Variants in RIMS1 observed in about 807,000 individuals in gnomAD.
RIMS1 encodes the protein regulating synaptic membrane exocytosis protein 1.
A neutral mutation model predicts 214.1 loss-of-function variants in RIMS1; 83 were observed. The ratio of observed to expected loss-of-function variants is 0.39; its 90% CI spans 0.32 to 0.47. The LOEUF (loss-of-function observed/expected upper bound fraction) is 0.47, where lower values mean the gene tolerates loss of function less well. RIMS1 is among the 20% of genes least tolerant of loss of function. RIMS1 has a pLI of 0.99. For missense variants in RIMS1, 2,050 were observed against 2,161.8 expected (o/e 0.95, Z 1.03); for synonymous variants, 793 against 786.8 (o/e 1.01, Z -0.13).
chr6:72,097,037 G>C lies in RIMS1; in HGVS notation c.334G>C (p.Asp112His), dbSNP rs530159088. 6.2e-7 allele frequency: 1 copy of C among 1,613,932 alleles called. No individual in the cohort carries two copies. Among genetic ancestry groups the C allele is most frequent in the East Asian group, 2.2e-5 (1 of 44,876 alleles). Reference protein sequence around the residue: ...ARRYQGEHKDDAPTCGICHKT... With the variant: ...ARRYQGEHKDHAPTCGICHKT... ...GCGTTACCAGGGCGAGCACAAAGAC[G>C]ATGCTCCGACTTGTGGAATCTGTCA... is the stretch of plus-strand genomic sequence containing the variant. Residue 112 changes from aspartate (D) to histidine (H), a missense_variant, in exon 3 of 34, where the codon GAT becomes CAT. Coordinates refer to ENST00000521978, the MANE Select transcript of RIMS1 (RefSeq NM_014989.7).
Position 72,161,771 on chromosome 6 carries a change from G to A in RIMS1, c.472-17804G>A, listed in dbSNP as rs1257923225. On this transcript the variant is annotated intron_variant, in intron 4 of 33. Coordinates refer to ENST00000521978, the MANE Select transcript of RIMS1 (RefSeq NM_014989.7). ...TGAGAGACAGTTTGTTGTGATTTCT[G>A]TCCTTTCACATTTGCTGAGGAGAGC... Among the ~76,000 whole-genome samples, 5 of 140,676 alleles carry A rather than the reference G, an allele frequency of 3.6e-5. 1 individual carries two copies. Among genetic ancestry groups the A allele is most frequent in the Admixed American group, 7.3e-5 (1 of 13,704 alleles). The allele number at this position is 140,676 out of a possible 152,430, so 92.3% of individuals were successfully genotyped here.
intron 1 of RIMS1, among the ~76,000 whole-genome samples, chr6:71,898,439 T>C (rs886876686): frequency 3.3e-5 from 5 of 152,178 alleles, no homozygotes; most frequent in Admixed American, 6.5e-5. Context: ...CCCAACTCTG[T>C]AACCCATACA....
chr6:72,339,729 G>C lies in RIMS1; in HGVS notation c.4366+5894G>C, dbSNP rs575718211. Among the ~76,000 whole-genome samples, 180 of 152,070 alleles carry C rather than the reference G, an allele frequency of 1.2e-3. 1 individual carries two copies. Among genetic ancestry groups the C allele is most frequent in the African/African-American group, 4.0e-3 (164 of 41,478 alleles). On this transcript the variant is annotated intron_variant, in intron 29 of 33. Coordinates refer to ENST00000521978, the MANE Select transcript of RIMS1 (RefSeq NM_014989.7). ...TTCCAAGTCTTTGCTATTGTGAATA[G>C]TGCCGCAATAAACGTACGTGTGCAT...
chr6:72,339,356 A>G (rs184575446), intron 29 of RIMS1, among the ~76,000 whole-genome samples: 4 of 151,954 alleles, frequency 2.6e-5, no homozygotes, highest in Non-Finnish European at 5.9e-5. Flanking sequence ...ATATGTATAC[A>G]TGTGCCATGT....
intron 4 of RIMS1, among the ~76,000 whole-genome samples, chr6:72,119,353 G>A (rs1368877256): frequency 6.6e-6 from 1 of 151,862 alleles, no homozygotes; most frequent in African/African-American, 2.4e-5. Context: ...GCTCATGGAT[G>A]AGTAGAATCA....
intron 2 of RIMS1, among the ~76,000 whole-genome samples, chr6:72,075,780 G>T (rs1831688884): frequency 6.6e-6 from 1 of 152,144 alleles, no homozygotes; most frequent in East Asian, 1.9e-4. Flanking sequence ...AACACTGAGG[G>T]TTAAAGGAGG....
chr6:72,012,279 A>G (rs916093323), intron 2 of RIMS1, among the ~76,000 whole-genome samples: 2 of 152,086 alleles, frequency 1.3e-5, no homozygotes, highest in Non-Finnish European at 2.9e-5. Context: ...GAATTGAACA[A>G]TGAGAACACG....
intron 9 of RIMS1, among the ~76,000 whole-genome samples, chr6:72,241,452 C>CT (rs1186472660): frequency 6.6e-6 from 1 of 152,012 alleles, no homozygotes; most frequent in Admixed American, 6.6e-5. Context: ...AAAATAAATA[C>CT]TTTTTTTCAC....
intron 2 of RIMS1, among the ~76,000 whole-genome samples, chr6:71,977,611 G>C (rs1022415299): frequency 6.6e-6 from 1 of 152,114 alleles, no homozygotes; most frequent in African/African-American, 2.4e-5. Flanking sequence ...TATTTAGAAA[G>C]ACTGCTCAAG....
chr6:72,120,768 G>T (rs1226132660), intron 4 of RIMS1, among the ~76,000 whole-genome samples: 1 of 151,814 alleles, frequency 6.6e-6, no homozygotes, highest in African/African-American at 2.4e-5. Context: ...TTTTCTTCTA[G>T]GGTTTTTATG....
intron 1 of RIMS1, among the ~76,000 whole-genome samples, chr6:71,939,875 A>G (rs1168737338): frequency 6.6e-6 from 1 of 152,248 alleles, no homozygotes; most frequent in African/African-American, 2.4e-5. Flanking sequence ...TGAGATAAAT[A>G]ACTCAATTTG....
At chr6:71,891,297 A>T (rs1582909735) in intron 1 of RIMS1, among the ~76,000 whole-genome samples, 1 of 152,192 alleles carries the variant, frequency 6.6e-6, no homozygotes, top group African/African-American at 2.4e-5. Flanking sequence ...ATGAAGTTTC[A>T]TTTTTTTCCT....
chr6:72,392,933 C>A, intron 31 of RIMS1, 123 bp downstream of exon 31: 1 of 681,556 alleles, frequency 1.5e-6, no homozygotes, highest in Non-Finnish European at 2.5e-6. Flanking sequence ...TACAGAGTTA[C>A]TGTTTGCAAA....
chr6:71,950,053 C>T (rs1788981273), intron 1 of RIMS1, among the ~76,000 whole-genome samples: 1 of 152,134 alleles, frequency 6.6e-6, no homozygotes, highest in African/African-American at 2.4e-5. Context: ...ACTACTGATA[C>T]ATGCAAATGC....
At chr6:71,990,097 T>G (rs2151590102) in intron 2 of RIMS1, among the ~76,000 whole-genome samples, 1 of 152,330 alleles carries the variant, frequency 6.6e-6, no homozygotes, top group East Asian at 1.9e-4. Flanking sequence ...TTCATTTAAT[T>G]CCTACCTCCT....
At chr6:72,108,177 T>G (rs1047196275) in intron 4 of RIMS1, among the ~76,000 whole-genome samples, 2 of 152,098 alleles carry the variant, frequency 1.3e-5, no homozygotes, top group East Asian at 1.9e-4. Context: ...CTCCTGTAGC[T>G]GGGACTGAGG....
intron 28 of RIMS1, among the ~76,000 whole-genome samples, chr6:72,315,191 G>T (rs932917039): frequency 3.3e-5 from 5 of 152,132 alleles, no homozygotes; most frequent in Non-Finnish European, 7.4e-5. Context: ...CAACAAATCA[G>T]CATGGACTAT....
intron 6 of RIMS1, among the ~76,000 whole-genome samples, chr6:72,207,292 A>G (rs749259002): frequency 1.2e-4 from 19 of 152,226 alleles, no homozygotes; most frequent in Non-Finnish European, 2.2e-4. Flanking sequence ...GAAAAGTAGA[A>G]TGATGTGTAG....
intron 4 of RIMS1, among the ~76,000 whole-genome samples, chr6:72,129,441 A>T (rs2040104511): frequency 6.6e-6 from 1 of 152,110 alleles, no homozygotes; most frequent in Non-Finnish European, 1.5e-5. Context: ...AAAAAGAAAA[A>T]TCACAGCTTC....
Sources: gnomAD v4.1 joint callset for allele counts (sites outside exome capture counted in the v4.1 genomes callset) on GRCh38, gnomAD v4.1.1 for gene constraint, MANE v1.5 for transcripts, NCBI Gene and HGNC (gene_info 2026-07-23, HGNC 2026-07-21) for gene names.